NLGN3: variants seen among roughly 807,000 people sequenced by gnomAD.
NLGN3 encodes the protein neuroligin 3.
NLGN3 carries 11 observed loss-of-function variants against 42.9 expected under a neutral mutation model. The ratio of observed to expected loss-of-function variants is 0.26; its 90% CI spans 0.16 to 0.42. NLGN3 has a LOEUF of 0.42. NLGN3 is among the 10% of genes least tolerant of loss of function. The pLI, the probability that NLGN3 is intolerant of heterozygous loss-of-function variation, is 1.00. For synonymous variants in NLGN3, 279 were observed against 312.7 expected (o/e 0.89, Z 1.14); for missense variants, 374 against 733.8 (o/e 0.51, Z 5.67).
intron 5 of NLGN3, among the ~76,000 whole-genome samples, chrX:71,157,134 G>A (rs747335394): frequency 1.1e-3 from 118 of 110,540 alleles, no homozygotes; most frequent in Middle Eastern, 4.6e-3. Flanking sequence ...GCAGTTAGGC[G>A]TGGCTTATTC....
At chrX:71,168,742 AAAG>A (rs1195646418) in intron 7 of NLGN3, among the ~76,000 whole-genome samples, 4 of 103,628 alleles carry the variant, frequency 3.9e-5, no homozygotes, top group African/African-American at 1.4e-4. Context: ...AAAGAAAAAA[AAAG>A]AGAGAAAGAA....
rs73634866 is a variant in NLGN3, at chrX:71,151,493, G to A, written c.518-1984G>A. Among the ~76,000 whole-genome samples the A allele has an allele frequency of 6.3e-3, 704 of 111,343 alleles. 7 individuals carry two copies. Among genetic ancestry groups the A allele is most frequent in the African/African-American group, 0.022 (678 of 30,657 alleles). On this transcript the variant is annotated intron_variant, in intron 3 of 7. Transcript: ENST00000358741. Reference sequence around the variant, plus strand: ...CGCCTCTTGAGGGAGACCCATCCTCGGAGGTCGTTAGGGTTGTGGTGTGCA... The same window carrying A: ...CGCCTCTTGAGGGAGACCCATCCTCAGAGGTCGTTAGGGTTGTGGTGTGCA...
Position 71,170,027 on chromosome X carries a change from C to T in NLGN3, c.2477C>T (p.Pro826Leu). The change falls in exon 8 of 8, where the codon CCC becomes CTC. Residue 826 changes from proline to leucine, a missense_variant. Physicochemically the swap from Pro to Leu is moderately conservative, Grantham distance 98. Around this residue, in one of 6 missense-constraint regions of NLGN3, gnomAD observed 92 missense variants for 108.0 expected, o/e 0.85. Coordinates refer to ENST00000358741, the MANE Select transcript of NLGN3 (RefSeq NM_181303.2). Reference protein sequence around the residue: ...NSLVGLQTLHPYNTFAAGFNS... With the variant: ...NSLVGLQTLHLYNTFAAGFNS... ...CTGGTAGGGCTGCAGACATTGCACCCCTATAACACCTTTGCCGCAGGGTTC... is the reference window on the plus strand; with the variant it reads ...CTGGTAGGGCTGCAGACATTGCACCTCTATAACACCTTTGCCGCAGGGTTC... The T allele has an allele frequency of 8.3e-7, 1 of 1,210,037 alleles. No individual in the cohort carries two copies. The highest frequency in any genetic ancestry group is 1.1e-6 in the Non-Finnish European group (1 of 894,893).
intron 4 of NLGN3, among the ~76,000 whole-genome samples, chrX:71,154,313 G>C (rs2092400913): frequency 8.8e-6 from 1 of 113,422 alleles, no homozygotes; most frequent in African/African-American, 3.2e-5. Context: ...AGCTCAGGGG[G>C]GCCCAGTGGT....
rs2092397837 is a variant in NLGN3, at chrX:71,153,481, C to T, written c.522C>T (p.Ser174=). Reference sequence around the variant, plus strand: ...CTCCCCGTGTCTGGTCCCCAGGATCCGGCGCTAAGAAACAGGGCGAGGACT... The same window carrying T: ...CTCCCCGTGTCTGGTCCCCAGGATCTGGCGCTAAGAAACAGGGCGAGGACT... ...PNKKICRKGG[S]GAKKQGEDLA... Residue 174 remains serine, a synonymous_variant, in exon 4 of 8, where the codon TCC becomes TCT. Coordinates refer to ENST00000358741, the MANE Select transcript of NLGN3 (RefSeq NM_181303.2). 3 of 1,207,792 alleles carry T rather than the reference C, an allele frequency of 2.5e-6. No individual in the cohort carries two copies. The highest frequency in any genetic ancestry group is 1.8e-5 in the South Asian group (1 of 56,159).
chrX:71,169,368 C>G lies in NLGN3; in HGVS notation c.1818C>G (p.Ile606Met), dbSNP rs781336181. Reference sequence around the variant, plus strand: ...CCCGAGACCAGCTCTACCTTCACATCGGGCTGAAACCAAGGGTCCGAGATC... The same window carrying G: ...CCCGAGACCAGCTCTACCTTCACATGGGGCTGAAACCAAGGGTCCGAGATC... ...YNPRDQLYLHIGLKPRVRDHY... is the reference protein window; with the variant it reads ...YNPRDQLYLHMGLKPRVRDHY... Residue 606 changes from isoleucine to methionine, a missense_variant, in exon 8 of 8, where the codon ATC becomes ATG. Transcript: ENST00000358741. 8.3e-7 allele frequency: 1 copy of G among 1,205,397 alleles called. No homozygotes were observed. Among genetic ancestry groups the G allele is most frequent in the Non-Finnish European group, 1.1e-6 (1 of 892,051 alleles).
intron 4 of NLGN3, among the ~76,000 whole-genome samples, chrX:71,154,784 G>C (rs768806660): frequency 3.6e-5 from 4 of 111,369 alleles, no homozygotes; most frequent in African/African-American, 1.3e-4. Context: ...CATGTAACTG[G>C]TCTAGTCTTG....
chrX:71,157,133 C>T lies in NLGN3; in HGVS notation c.727+1770C>T, dbSNP rs780725001. 9.1e-5 allele frequency among the ~76,000 whole-genome samples: 10 copies of T among 110,412 alleles called. No individual in the cohort carries two copies. The South Asian group carries it at 3.4e-3, about 38-fold the overall frequency. ...TATGGGTGCTAAACCAGCAGTTAGG[C>T]GTGGCTTATTCCATGGCTAACTAGG... On this transcript the variant is annotated intron_variant, in intron 5 of 7. Transcript: ENST00000358741.
intron 3 of NLGN3, among the ~76,000 whole-genome samples, chrX:71,150,439 C>T (rs150925365): frequency 0.032 from 3,523 of 110,944 alleles, 65 homozygotes; most frequent in Non-Finnish European, 0.051. Context: ...TGGTGGCTCA[C>T]GCCTGTAATC....
At chrX:71,172,638 G>A (rs1030455001), downstream of NLGN3, among the ~76,000 whole-genome samples, 68 of 109,780 alleles carry the variant, frequency 6.2e-4, no homozygotes, top group African/African-American at 2.2e-3. Context: ...GTGTGTGTGT[G>A]TGTGTGTGTG....
chrX:71,146,186 C>G (rs76523070), intron 1 of NLGN3, among the ~76,000 whole-genome samples: 14,103 of 82,824 alleles, frequency 0.17, 1,814 homozygotes, highest in Middle Eastern at 0.36. Context: ...CACACACACA[C>G]ACACACACAC....
At chrX:71,163,461 C>G (rs943010974) in intron 5 of NLGN3, among the ~76,000 whole-genome samples, 2 of 111,308 alleles carry the variant, frequency 1.8e-5, no homozygotes. Context: ...ATCAAGGCCC[C>G]GGAAGGAAGT....
intron 2 of NLGN3, 116 bp from the exon 3 acceptor site, chrX:71,148,730 C>A: frequency 1.8e-6 from 1 of 571,349 alleles, no homozygotes; most frequent in Non-Finnish European, 2.7e-6. Context: ...GTGGGACAGG[C>A]TCTCTGCCAT....
At chrX:71,149,438 G>T (rs1251561580) in intron 3 of NLGN3, among the ~76,000 whole-genome samples, 1 of 111,795 alleles carries the variant, frequency 8.9e-6, no homozygotes, top group Non-Finnish European at 1.9e-5. Context: ...GGCTGCTCTG[G>T]TGGCAGAACT....
intron 7 of NLGN3, among the ~76,000 whole-genome samples, chrX:71,168,742 A>G: frequency 9.6e-6 from 1 of 103,656 alleles, no homozygotes; most frequent in African/African-American, 3.6e-5. Context: ...AAAGAAAAAA[A>G]AAGAGAGAAA....
chrX:71,168,884 G>GAAAGAAAGAAAAGAA (rs774015992), intron 7 of NLGN3, among the ~76,000 whole-genome samples: 4 of 71,581 alleles, frequency 5.6e-5, no homozygotes, highest in Admixed American at 1.6e-4. Context: ...AGAAAAGAAA[G>GAAAGAAAGAAAAGAA]AGAAAGAAAG....
chrX:71,168,299 G>A (rs985699529), intron 7 of NLGN3, among the ~76,000 whole-genome samples: 1 of 111,303 alleles, frequency 9.0e-6, no homozygotes, highest in Non-Finnish European at 1.9e-5. Flanking sequence ...CTGTGATCAC[G>A]CCACTGTACT....
chrX:71,156,857 T>C (rs1186338349), intron 5 of NLGN3, among the ~76,000 whole-genome samples: 3 of 111,715 alleles, frequency 2.7e-5, no homozygotes, highest in East Asian at 5.6e-4. Flanking sequence ...CCCCGCATTC[T>C]CTGCTGTGCA....
rs2092467736 is a variant in NLGN3 at position 71,170,378 on chromosome X, G to A, written c.*281G>A. 1 of 997,060 alleles carries A rather than the reference G, an allele frequency of 1.0e-6. No individual in the cohort carries two copies. The highest frequency in any genetic ancestry group is 4.3e-5 in the Admixed American group (1 of 23,485). 82.2% of individuals were successfully genotyped at this position (997,060 alleles called of 1,213,427 possible). On this transcript the variant is annotated 3_prime_UTR_variant, in exon 8 of 8. Transcript: ENST00000358741. Reference sequence around the variant, plus strand: ...ACCGAGGACCCATGAAACAGCAGCTGAAGCCAGCTCCCTGAATCTGACCAC... The same window carrying A: ...ACCGAGGACCCATGAAACAGCAGCTAAAGCCAGCTCCCTGAATCTGACCAC...
Sources: gnomAD v4.1 joint callset for allele counts (sites outside exome capture counted in the v4.1 genomes callset) on GRCh38, gnomAD v4.1.1 for gene constraint, gnomAD v4.1.1 regional missense constraint, MANE v1.5 for transcripts, NCBI Gene and HGNC (gene_info 2026-07-23, HGNC 2026-07-21) for gene names.